Variants in MPDZ observed in about 807,000 individuals in gnomAD.
MPDZ encodes multiple PDZ domain protein.
In MPDZ, 234 loss-of-function variants were observed where a neutral mutation model predicts 239.1. That is an observed-to-expected ratio of 0.98 (90% CI 0.88 to 1.09). The LOEUF is 1.09. Among genes scored for constraint, MPDZ ranks in the 50% least tolerant of loss-of-function variants. MPDZ has a pLI of 0.00. For missense variants in MPDZ, 3,175 were observed against 2,510.0 expected (o/e 1.26, Z -5.66); for synonymous variants, 1,048 against 881.3 (o/e 1.19, Z -3.35).
intron 19 of MPDZ, among the ~76,000 whole-genome samples, chr9:13,182,920 C>T (rs946826550): frequency 3.3e-5 from 5 of 152,114 alleles, no homozygotes; most frequent in African/African-American, 1.2e-4. Context: ...TTACCATTCA[C>T]TGTGATTTTT....
intron 10 of MPDZ, among the ~76,000 whole-genome samples, chr9:13,214,344 C>G (rs1446708612): frequency 6.6e-6 from 1 of 151,932 alleles, no homozygotes; most frequent in Middle Eastern, 3.2e-3. Flanking sequence ...TGTATGATTC[C>G]ATTTACAGGA....
Position 13,105,745 on chromosome 9 carries a change from T to C in MPDZ, c.*1220A>G, listed in dbSNP as rs1941385373. ...GAAAATTCTTATTTATTCACTTTAATTCTGCATTTACACAAAAATGCTGTA... is the reference window on the plus strand; with the variant it reads ...GAAAATTCTTATTTATTCACTTTAACTCTGCATTTACACAAAAATGCTGTA... On this transcript the variant is annotated 3_prime_UTR_variant, in exon 47 of 47. Transcript: ENST00000319217. 6.6e-6 allele frequency: 1 copy of C among 152,226 alleles called. No homozygotes were observed. The highest frequency in any genetic ancestry group is 1.9e-4 in the East Asian group (1 of 5,204). 9.4% of individuals were successfully genotyped at this position (152,226 alleles called of 1,614,324 possible). A position where few individuals can be genotyped will look rare whatever the true frequency, so the allele number is the denominator to read the frequency against.
Position 13,138,168 on chromosome 9 carries a change from A to G in MPDZ, c.4004-15T>C. 1.3e-6 allele frequency: 2 copies of G among 1,547,226 alleles called. No homozygotes were observed. The highest frequency in any genetic ancestry group is 1.7e-6 in the Non-Finnish European group (2 of 1,147,322). The stretch of plus-strand genomic sequence containing the variant: ...TCTGATATTTTCTACATACAACAAC[A>G]ACAACAAATACATATTTACAGTTAA... On this transcript the variant is annotated splice_polypyrimidine_tract_variant and intron_variant, in intron 28 of 46. Transcript: ENST00000319217.
rs189437408 is a variant in MPDZ, at chr9:13,192,482, T to C, written c.1804-187A>G. On this transcript the variant is annotated intron_variant, in intron 14 of 46. Coordinates refer to ENST00000319217, the MANE Select transcript of MPDZ (RefSeq NM_001378778.1). ...TGCAAGTTTAGAGTATTGTTGGAAT[T>C]GGAGCTTCTAAAGCACTCAAAGAAA... 5.6e-3 allele frequency among the ~76,000 whole-genome samples: 856 copies of C among 152,290 alleles called. 8 individuals are homozygous for C. The highest frequency in any genetic ancestry group is 0.019 in the African/African-American group (803 of 41,566).
chr9:13,163,480 AT>A (rs1194767792), intron 22 of MPDZ, among the ~76,000 whole-genome samples: 2 of 152,200 alleles, frequency 1.3e-5, no homozygotes, highest in East Asian at 3.8e-4. Context: ...CTGAATGCCT[AT>A]TATGCGGAAG....
chr9:13,114,745 C>A (rs916912231), intron 40 of MPDZ, among the ~76,000 whole-genome samples: 2 of 151,880 alleles, frequency 1.3e-5, no homozygotes, highest in Admixed American at 6.6e-5. Context: ...AATAAAAATA[C>A]AAAAATTAGC....
chr9:13,224,695 T>A, intron 3 of MPDZ, 112 bp from the exon 4 acceptor site: 1 of 715,908 alleles, frequency 1.4e-6, no homozygotes, highest in Non-Finnish European at 2.2e-6. Flanking sequence ...GTCCAAATCC[T>A]TTAATCCAGC....
chr9:13,165,245 G>A, intron 22 of MPDZ: 2 of 931,520 alleles, frequency 2.1e-6, no homozygotes, highest in Non-Finnish European at 1.6e-6. Flanking sequence ...AATCTAAAAT[G>A]TATATACAAA....
At chr9:13,229,246 C>G (rs1306716460) in intron 3 of MPDZ, among the ~76,000 whole-genome samples, 1 of 152,080 alleles carries the variant, frequency 6.6e-6, no homozygotes, top group Non-Finnish European at 1.5e-5. Context: ...ACCAACTCTT[C>G]TGCCATACTC....
intron 25 of MPDZ, among the ~76,000 whole-genome samples, chr9:13,148,330 A>C (rs1948702239): frequency 6.6e-6 from 1 of 152,074 alleles, no homozygotes. Flanking sequence ...CTTTATGAAT[A>C]AGAAGGAAAA....
intron 3 of MPDZ, among the ~76,000 whole-genome samples, chr9:13,232,048 C>A (rs1042556895): frequency 1.3e-5 from 2 of 152,108 alleles, no homozygotes; most frequent in Non-Finnish European, 2.9e-5. Flanking sequence ...ATTACCACTT[C>A]TATTCAATAT....
intron 12 of MPDZ, among the ~76,000 whole-genome samples, chr9:13,204,201 C>T (rs1458233626): frequency 6.6e-6 from 1 of 152,024 alleles, no homozygotes; most frequent in Non-Finnish European, 1.5e-5. Context: ...GTTTAAGTTA[C>T]CAAGTACCTA....
Position 13,140,089 on chromosome 9 carries a change from G to C in MPDZ, c.3901C>G (p.Pro1301Ala), listed in dbSNP as rs200311014. The change falls in exon 28 of 47, where the codon CCT becomes GCT. Residue 1301 changes from proline to alanine, a missense_variant. Physicochemically the swap from Pro to Ala is conservative, Grantham distance 27. Coordinates refer to ENST00000319217, the MANE Select transcript of MPDZ (RefSeq NM_001378778.1). ...KAPLCSVPPP[P>A]PSAFAEMGSD... ...CCCATTTCGGCAAAGGCTGAAGGAG[G>C]GGGTGGGGGCACACTGCACAATGGA... 3.7e-6 allele frequency: 6 copies of C among 1,613,496 alleles called. No individual in the cohort carries two copies. Among genetic ancestry groups the C allele is most frequent in the South Asian group, 3.3e-5 (3 of 91,078 alleles).
chr9:13,155,181 G>A (rs1949671017), intron 24 of MPDZ, among the ~76,000 whole-genome samples: 1 of 150,004 alleles, frequency 6.7e-6, no homozygotes, highest in South Asian at 2.5e-4. Context: ...TCGTGCCACT[G>A]CATTCCAGCC....
At chr9:13,242,602 A>G (rs560023655) in intron 3 of MPDZ, among the ~76,000 whole-genome samples, 1 of 152,146 alleles carries the variant, frequency 6.6e-6, no homozygotes, top group African/African-American at 2.4e-5. Context: ...AGTTAATACA[A>G]TATCCAAAAA....
At chr9:13,118,789 G>A (rs750489207) in intron 39 of MPDZ, among the ~76,000 whole-genome samples, 1 of 152,122 alleles carries the variant, frequency 6.6e-6, no homozygotes, top group Non-Finnish European at 1.5e-5. Context: ...AATGAAACTG[G>A]TTCTGCCTTT....
intron 32 of MPDZ, among the ~76,000 whole-genome samples, chr9:13,132,333 A>G (rs565673359): frequency 2.6e-5 from 4 of 152,320 alleles, no homozygotes; most frequent in Admixed American, 1.3e-4. Context: ...TAAGTGATTT[A>G]TAGGCAATCA....
At chr9:13,232,247 T>G (rs1198321652) in intron 3 of MPDZ, among the ~76,000 whole-genome samples, 1 of 152,066 alleles carries the variant, frequency 6.6e-6, no homozygotes, top group African/African-American at 2.4e-5. Context: ...GGATGTAAAA[T>G]CAATACCAAA....
chr9:13,114,439 G>A (rs977104178), intron 40 of MPDZ, among the ~76,000 whole-genome samples: 4 of 152,120 alleles, frequency 2.6e-5, no homozygotes, highest in Non-Finnish European at 4.4e-5. Context: ...ATGAAAATGG[G>A]TTTCCATCAT....
Sources: gnomAD v4.1 joint callset for allele counts (sites outside exome capture counted in the v4.1 genomes callset) on GRCh38, gnomAD v4.1.1 for gene constraint, MANE v1.5 for transcripts, NCBI Gene and HGNC (gene_info 2026-07-23, HGNC 2026-07-21) for gene names.